Variants in DIP2B observed in about 807,000 individuals in gnomAD.
DIP2B encodes the protein disco-interacting protein 2 homolog B.
DIP2B carries 76 observed loss-of-function variants against 198.0 expected under a neutral mutation model. That is an observed-to-expected ratio of 0.38 (90% CI 0.32 to 0.46). The LOEUF (loss-of-function observed/expected upper bound fraction) is 0.46. DIP2B is among the 20% of genes least tolerant of loss of function. The pLI, the probability that DIP2B is intolerant of heterozygous loss-of-function variation, is 0.99. For missense variants in DIP2B, 1,559 were observed against 1,978.4 expected (o/e 0.79, Z 4.02); for synonymous variants, 701 against 739.1 (o/e 0.95, Z 0.84).
chr12:50,744,708 G>A lies in DIP2B; in HGVS notation c.4600G>A (p.Val1534Ile), dbSNP rs569460179. 21 of 1,614,168 alleles carry A rather than the reference G, an allele frequency of 1.3e-5. No individual in the cohort carries two copies. The East Asian group carries it at 2.5e-4, about 19-fold the overall frequency. ...NVVLEEHYLI[V>I]GVVVVVDPGV... is the part of the protein sequence containing the mutation. ...GGTCCTGGAAGAGCATTACCTCATC[G>A]TTGGCGTCGTGGTTGTGGTGGACCC... The change falls in exon 38 of 38, where the codon GTT (valine) becomes ATT (isoleucine). Residue 1534 changes from valine (V) to isoleucine (I), a missense_variant. Physicochemically the swap from Val to Ile is conservative, Grantham distance 29. Coordinates refer to ENST00000301180, the MANE Select transcript of DIP2B (RefSeq NM_173602.3).
chr12:50,582,551 C>T (rs1958735299), intron 1 of DIP2B, among the ~76,000 whole-genome samples: 2 of 152,076 alleles, frequency 1.3e-5, no homozygotes, highest in Admixed American at 6.6e-5. Context: ...AATACTGGCT[C>T]CATCTTAGCC....
chr12:50,587,541 T>C (rs1031781993), intron 1 of DIP2B, among the ~76,000 whole-genome samples: 9 of 152,180 alleles, frequency 5.9e-5, no homozygotes, highest in African/African-American at 1.9e-4. Flanking sequence ...CTTTAAATCA[T>C]AGAGGTGTAT....
At chr12:50,538,175 G>A (rs1042740488) in intron 1 of DIP2B, among the ~76,000 whole-genome samples, 45 of 152,270 alleles carry the variant, frequency 3.0e-4, no homozygotes, top group African/African-American at 1.0e-3. Context: ...GAGGTGAGCT[G>A]CTTGAGAACA....
chr12:50,595,402 C>T (rs1326125257), intron 1 of DIP2B, among the ~76,000 whole-genome samples: 2 of 152,182 alleles, frequency 1.3e-5, no homozygotes, highest in Non-Finnish European at 2.9e-5. Flanking sequence ...CAACTGCAGC[C>T]TCAACTTGCC....
At position 50,654,005 on chromosome 12, in the gene DIP2B, C is replaced by A. The variant is rs564251901; in HGVS notation, c.302-6189C>A. Among the ~76,000 whole-genome samples, 9 of 152,176 alleles carry A rather than the reference C, an allele frequency of 5.9e-5. No individual in the cohort carries two copies. In the South Asian group the frequency reaches 1.9e-3, roughly 32 times the overall value. On this transcript the variant is annotated intron_variant, in intron 3 of 37. Coordinates refer to ENST00000301180, the MANE Select transcript of DIP2B (RefSeq NM_173602.3). ...TCTCCTGCCTCAGCCTCCTGAGTAG[C>A]TGGGATTACAGGTGCACGCTACCAC... is the stretch of plus-strand genomic sequence containing the variant.
intron 24 of DIP2B, 51 bp downstream of exon 24, chr12:50,718,869 T>A (rs375479525): frequency 2.5e-6 from 4 of 1,611,170 alleles, no homozygotes. Context: ...AGGACAGAAC[T>A]TACTGCAGGT....
At chr12:50,623,447 T>A (rs889878299) in intron 1 of DIP2B, among the ~76,000 whole-genome samples, 10 of 137,062 alleles carry the variant, frequency 7.3e-5, no homozygotes, top group African/African-American at 2.4e-4. Context: ...ACTCTCTCTC[T>A]CTCTCTCTCT....
At chr12:50,728,513 C>T (rs1470018959) in intron 29 of DIP2B, 35 bp from the exon 30 acceptor site, 4 of 1,594,136 alleles carry the variant, frequency 2.5e-6, no homozygotes, top group Non-Finnish European at 3.4e-6. Context: ...TGTGGGATAA[C>T]AGTCCCAGCC....
chr12:50,711,508 G>C (rs555158492), intron 22 of DIP2B, among the ~76,000 whole-genome samples: 10 of 152,212 alleles, frequency 6.6e-5, no homozygotes, highest in African/African-American at 1.9e-4. Flanking sequence ...GATAGTCTGA[G>C]GATTGTGATT....
intron 22 of DIP2B, among the ~76,000 whole-genome samples, chr12:50,712,281 G>T (rs1228631666): frequency 6.6e-6 from 1 of 152,034 alleles, no homozygotes; most frequent in African/African-American, 2.4e-5. Context: ...TGGGTAATAC[G>T]GTAGAAACCT....
At chr12:50,562,636 G>C (rs1234103218) in intron 1 of DIP2B, among the ~76,000 whole-genome samples, 2 of 151,872 alleles carry the variant, frequency 1.3e-5, no homozygotes, top group Non-Finnish European at 2.9e-5. Context: ...GAGAGGCTGA[G>C]ATGGGAGGAT....
intron 9 of DIP2B, among the ~76,000 whole-genome samples, chr12:50,681,580 T>G (rs1939042524): frequency 6.6e-6 from 1 of 152,248 alleles, no homozygotes; most frequent in African/African-American, 2.4e-5. Context: ...GACATTATAC[T>G]ATTTTTTTAA....
intron 1 of DIP2B, among the ~76,000 whole-genome samples, chr12:50,538,659 T>C (rs901123338): frequency 6.6e-6 from 1 of 152,206 alleles, no homozygotes; most frequent in Admixed American, 6.6e-5. Flanking sequence ...TTTTCTGTTA[T>C]CAAAGTAAAT....
intron 1 of DIP2B, among the ~76,000 whole-genome samples, chr12:50,564,121 C>G (rs542006694): frequency 1.3e-3 from 192 of 150,928 alleles, no homozygotes; most frequent in African/African-American, 4.6e-3. Flanking sequence ...TGGGTTCTTG[C>G]GTGTGTGTGT....
chr12:50,723,380 A>G, intron 27 of DIP2B, 57 bp downstream of exon 27: 2 of 1,595,172 alleles, frequency 1.3e-6, no homozygotes, highest in Non-Finnish European at 1.7e-6. Flanking sequence ...GATTCAGACA[A>G]CTAAGGATCC....
At chr12:50,514,065 CT>C (rs71083583) in intron 1 of DIP2B, among the ~76,000 whole-genome samples, 60,984 of 118,334 alleles carry the variant, frequency 0.52, 13,289 homozygotes, top group South Asian at 0.64. Context: ...ACTCAGTTGT[CT>C]TTTTTTTTTT....
At chr12:50,742,034 G>A (rs1426103897) in intron 37 of DIP2B, among the ~76,000 whole-genome samples, 1 of 152,098 alleles carries the variant, frequency 6.6e-6, no homozygotes, top group Non-Finnish European at 1.5e-5. Context: ...GCTCTTTGCA[G>A]GAATTCCCCC....
At chr12:50,719,822 C>T (rs1939800685) in intron 25 of DIP2B, among the ~76,000 whole-genome samples, 1 of 148,480 alleles carries the variant, frequency 6.7e-6, no homozygotes, top group Admixed American at 6.7e-5. Flanking sequence ...GCCTGGGTGA[C>T]AGAGCAAGAC....
chr12:50,640,367 G>A (rs905088425), intron 2 of DIP2B, among the ~76,000 whole-genome samples: 2 of 152,108 alleles, frequency 1.3e-5, no homozygotes, highest in African/African-American at 4.8e-5. Context: ...TGACGGTATG[G>A]TAGCTAAGGC....
Sources: gnomAD v4.1 joint callset for allele counts (sites outside exome capture counted in the v4.1 genomes callset) on GRCh38, gnomAD v4.1.1 for gene constraint, MANE v1.5 for transcripts, NCBI Gene and HGNC (gene_info 2026-07-23, HGNC 2026-07-21) for gene names.